STX11: variants seen among roughly 807,000 people sequenced by gnomAD.
STX11 encodes syntaxin 11.
A neutral mutation model predicts 19.9 loss-of-function variants in STX11; 21 were observed. That is an observed-to-expected ratio of 1.06 (90% CI 0.75 to 1.52). STX11 has a LOEUF of 1.52. Ranked by LOEUF, STX11 falls within the 40% of genes most tolerant of loss-of-function variation. The pLI is 0.00. For missense variants in STX11, 438 were observed against 405.9 expected, an observed-to-expected ratio of 1.08 and a Z score of -0.68; for synonymous variants, 193 against 174.4, an observed-to-expected ratio of 1.11 and a Z score of -0.84.
At position 144,191,013 on chromosome 6, in the gene STX11, C is replaced by T. The variant is rs1802197116; in HGVS notation, c.*3522C>T. ...TGGCAACTCTGAAAGGTGACTTTGG[C>T]CAAGAAGACCTTGTGGCAATTCTGC... On this transcript the variant is annotated 3_prime_UTR_variant, in exon 2 of 2. Transcript: ENST00000367568. 6.6e-6 allele frequency among the ~76,000 whole-genome samples: 1 copy of T among 151,890 alleles called. No homozygotes were observed. The highest frequency in any genetic ancestry group is 2.4e-5 in the African/African-American group (1 of 41,324).
At position 144,187,370 on chromosome 6, in the gene STX11, A is replaced by C. The variant is rs765907508; in HGVS notation, c.743A>C (p.Asn248Thr). The change falls in exon 2 of 2, where the codon AAC (asparagine) becomes ACC (threonine). Residue 248 changes from asparagine (N) to threonine (T), a missense_variant. By Grantham distance (65) the Asn-to-Thr change is moderately conservative. Coordinates refer to ENST00000367568, the MANE Select transcript of STX11 (RefSeq NM_003764.4). This position sits in a 1 kb window ranked among gnomAD's most constrained non-coding sequence, Gnocchi z 5.6. ...QADTLNVIEL[N>T]VQKTVDYTGQ... is the part of the protein sequence containing the mutation. ...GACACCCTGAACGTCATCGAGCTCA[A>C]CGTACAAAAGACGGTCGACTACACC... is the stretch of plus-strand genomic sequence containing the variant. 1 of 1,610,614 alleles carries C rather than the reference A, an allele frequency of 6.2e-7. No homozygotes were observed. The highest frequency in any genetic ancestry group is 8.5e-7 in the Non-Finnish European group (1 of 1,179,970).
At chr6:144,142,960 A>C in the STX11 span, among the ~76,000 whole-genome samples, 1 of 152,236 alleles carries the variant, frequency 6.6e-6, no homozygotes, top group Non-Finnish European at 1.5e-5. Context: ...GGATACCCCA[A>C]ATACCTGGAC....
upstream of STX11, among the ~76,000 whole-genome samples, chr6:144,145,574 G>A (rs1206693272): frequency 3.9e-5 from 6 of 152,184 alleles, no homozygotes; most frequent in South Asian, 1.2e-3. Flanking sequence ...CAGCCTTACA[G>A]AAGAAGGAAA....
chr6:144,156,869 A>G (rs979306929), intron 1 of STX11, among the ~76,000 whole-genome samples: 9 of 152,236 alleles, frequency 5.9e-5, no homozygotes, highest in Non-Finnish European at 8.8e-5. Flanking sequence ...GTACTGTCAT[A>G]TATATTATTT....
Position 144,191,742 on chromosome 6 carries a change from G to A in STX11, c.*4251G>A, listed in dbSNP as rs980577002. 1.5e-4 allele frequency among the ~76,000 whole-genome samples: 23 copies of A among 152,216 alleles called. No individual in the cohort carries two copies. Among genetic ancestry groups the A allele is most frequent in the Non-Finnish European group, 2.4e-4 (16 of 68,012 alleles). On this transcript the variant is annotated 3_prime_UTR_variant, in exon 2 of 2. Coordinates refer to ENST00000367568, the MANE Select transcript of STX11 (RefSeq NM_003764.4). ...CAACAGTTGACTTCCTTTTGATAGC[G>A]GAGTTGAAAATCATTGCAATTAATA...
chr6:144,185,358 A>T (rs981917168), intron 1 of STX11, among the ~76,000 whole-genome samples: 5 of 152,210 alleles, frequency 3.3e-5, no homozygotes, highest in African/African-American at 7.2e-5. Flanking sequence ...AAGTGTTACT[A>T]CTTTTCCCCT....
At position 144,160,048 on chromosome 6, in the gene STX11, G is replaced by A. The variant is rs965279033; in HGVS notation, c.-6+9345G>A. Among the ~76,000 whole-genome samples, 1 of 152,110 alleles carries A rather than the reference G, an allele frequency of 6.6e-6. No homozygotes were observed. Among genetic ancestry groups the A allele is most frequent in the African/African-American group, 2.4e-5 (1 of 41,406 alleles). On this transcript the variant is annotated intron_variant, in intron 1 of 1. Coordinates refer to ENST00000367568, the MANE Select transcript of STX11 (RefSeq NM_003764.4). This position sits in a 1 kb window ranked among gnomAD's most constrained non-coding sequence, Gnocchi z 4.3. ...ATTTTTGAGAGACTCTGTCGCCCAG[G>A]CTGGAATGAAATGGCACAATCTCTG...
rs774875167 is a variant in STX11, at chr6:144,186,738, G to C, written c.111G>C (p.Thr37=). 4.3e-6 allele frequency: 7 copies of C among 1,614,164 alleles called. No homozygotes were observed. Among genetic ancestry groups the C allele is most frequent in the Non-Finnish European group, 5.9e-6 (7 of 1,180,048 alleles). The change falls in exon 2 of 2, where the codon ACG becomes ACC. Residue 37 remains threonine, a synonymous_variant. Coordinates refer to ENST00000367568, the MANE Select transcript of STX11 (RefSeq NM_003764.4). ...DSPHEDIVFE[T]DHILESLYRD... ...CCCACGAGGACATCGTGTTCGAGAC[G>C]GACCACATCCTGGAGTCCCTGTACC...
rs1210571455 is a variant in STX11, at chr6:144,167,379, CTAAACACGAAATT to C, written c.-6+16679_-6+16691del. Among the ~76,000 whole-genome samples the C allele has an allele frequency of 9.9e-5, 15 of 152,136 alleles. No homozygotes were observed. Among genetic ancestry groups the C allele is most frequent in the African/African-American group, 3.6e-4 (15 of 41,414 alleles). Reference sequence around the variant, plus strand: ...GATATCTTGGGGATAAGACCCAAATCTAAACACGAAATTTATGTTTCATATATACCTATACACA... The same window carrying C: ...GATATCTTGGGGATAAGACCCAAATCTATGTTTCATATATACCTATACACA... On this transcript the variant is annotated intron_variant, in intron 1 of 1. Coordinates refer to ENST00000367568, the MANE Select transcript of STX11 (RefSeq NM_003764.4). The surrounding 1 kb of genome is among the most constrained non-coding windows in gnomAD (Gnocchi z 5.0).
rs768064993 is a variant in STX11, at chr6:144,187,293, C to T, written c.666C>T (p.Arg222=). Residue 222 remains arginine (R), a synonymous_variant, in exon 2 of 2, where the codon CGC becomes CGT. Transcript: ENST00000367568. The surrounding 1 kb of genome is among the most constrained non-coding windows in gnomAD (Gnocchi z 5.6). ...TGCTGCGCCTGGAGAGCCGCATCCG[C>T]GACGTACACGAGCTCTTCTTGCAGA... The part of the protein sequence containing the change: ...RELLRLESRI[R]DVHELFLQMA... The T allele has an allele frequency of 6.2e-7, 1 of 1,612,658 alleles. No individual in the cohort carries two copies. Among genetic ancestry groups the T allele is most frequent in the South Asian group, 1.1e-5 (1 of 91,080 alleles).
chr6:144,169,339 G>T lies in STX11; in HGVS notation c.-5-17284G>T, dbSNP rs1160489797. ...CAAATTTTCATCAGCAATGACCTTG[G>T]CAAATTCATCAATTAATTTCTCTGC... On this transcript the variant is annotated intron_variant, in intron 1 of 1. Transcript: ENST00000367568. The surrounding 1 kb of genome is among the most constrained non-coding windows in gnomAD (Gnocchi z 5.2). 6.6e-6 allele frequency among the ~76,000 whole-genome samples: 1 copy of T among 152,174 alleles called. No individual in the cohort carries two copies. Among genetic ancestry groups the T allele is most frequent in the Non-Finnish European group, 1.5e-5 (1 of 68,024 alleles).
rs1801671291 is a variant in STX11, at chr6:144,172,707, A to G, written c.-5-13916A>G. ...CATCAGATTATAGTATTAGCCTCGA[A>G]GTCTAGAGACTTATGCCTGATCTGC... is the stretch of plus-strand genomic sequence containing the variant. On this transcript the variant is annotated intron_variant, in intron 1 of 1. Coordinates refer to ENST00000367568, the MANE Select transcript of STX11 (RefSeq NM_003764.4). This position sits in a 1 kb window ranked among gnomAD's most constrained non-coding sequence, Gnocchi z 4.2. Among the ~76,000 whole-genome samples the G allele has an allele frequency of 6.6e-6, 1 of 152,164 alleles. No individual in the cohort carries two copies. The highest frequency in any genetic ancestry group is 2.1e-4 in the South Asian group (1 of 4,828).
At chr6:144,186,384 T>C (rs1352190974) in intron 1 of STX11, among the ~76,000 whole-genome samples, 1 of 152,048 alleles carries the variant, frequency 6.6e-6, no homozygotes, top group Non-Finnish European at 1.5e-5. Context: ...TGCGCGGCTA[T>C]GATATTGAAC....
At chr6:144,157,811 C>T (rs990279876) in intron 1 of STX11, among the ~76,000 whole-genome samples, 2 of 152,190 alleles carry the variant, frequency 1.3e-5, no homozygotes, top group East Asian at 1.9e-4. Flanking sequence ...TGCTGTAATG[C>T]TAGGCTTTAA....
chr6:144,159,120 C>T lies in STX11; in HGVS notation c.-6+8417C>T, dbSNP rs1204098516. 2.8e-4 allele frequency among the ~76,000 whole-genome samples: 42 copies of T among 152,100 alleles called. No individual in the cohort carries two copies. Among genetic ancestry groups the T allele is most frequent in the Non-Finnish European group, 7.4e-5 (5 of 68,026 alleles). ...CATTTTTGTGTATGAGAGACCTAGC[C>T]TCATCAAAAATGAGTGAAAAAAATA... On this transcript the variant is annotated intron_variant, in intron 1 of 1. Transcript: ENST00000367568. This position sits in a 1 kb window ranked among gnomAD's most constrained non-coding sequence, Gnocchi z 4.3.
intron 1 of STX11, among the ~76,000 whole-genome samples, chr6:144,164,560 C>A (rs993982899): frequency 6.6e-6 from 1 of 152,188 alleles, no homozygotes; most frequent in African/African-American, 2.4e-5. Flanking sequence ...AGTATCACTG[C>A]AAACATGCAG....
chr6:144,170,026 A>G lies in STX11; in HGVS notation c.-5-16597A>G, dbSNP rs1269737804. The stretch of plus-strand genomic sequence containing the variant: ...TTCTGTTCATCATTTTCAGGATGGA[A>G]CTTCAACAATTTATCTTTTTGTTTC... On this transcript the variant is annotated intron_variant, in intron 1 of 1. Coordinates refer to ENST00000367568, the MANE Select transcript of STX11 (RefSeq NM_003764.4). The surrounding 1 kb of genome is among the most constrained non-coding windows in gnomAD (Gnocchi z 4.7). Among the ~76,000 whole-genome samples, 1 of 152,130 alleles carries G rather than the reference A, an allele frequency of 6.6e-6. No homozygotes were observed. The highest frequency in any genetic ancestry group is 2.4e-5 in the African/African-American group (1 of 41,422).
In STX11 at chr6:144,184,724, T is replaced by C. The variant is rs1801985310; in HGVS notation, c.-5-1899T>C. The stretch of plus-strand genomic sequence containing the variant: ...CTACTCATAGAATCTGTATGAAGAC[T>C]AAAGAGGGTATCACATGAAAGATGC... On this transcript the variant is annotated intron_variant, in intron 1 of 1. Coordinates refer to ENST00000367568, the MANE Select transcript of STX11 (RefSeq NM_003764.4). This position sits in a 1 kb window ranked among gnomAD's most constrained non-coding sequence, Gnocchi z 6.5. Among the ~76,000 whole-genome samples, 1 of 152,220 alleles carries C rather than the reference T, an allele frequency of 6.6e-6. No individual in the cohort carries two copies. The highest frequency in any genetic ancestry group is 1.5e-5 in the Non-Finnish European group (1 of 68,032).
Position 144,176,662 on chromosome 6 carries a change from T to C in STX11, c.-5-9961T>C, listed in dbSNP as rs1451540646. Among the ~76,000 whole-genome samples the C allele has an allele frequency of 6.6e-6, 1 of 152,156 alleles. No individual in the cohort carries two copies. Among genetic ancestry groups the C allele is most frequent in the East Asian group, 1.9e-4 (1 of 5,196 alleles). On this transcript the variant is annotated intron_variant, in intron 1 of 1. Transcript: ENST00000367568. This position sits in a 1 kb window ranked among gnomAD's most constrained non-coding sequence, Gnocchi z 4.1. ...GATAACTGAGGAAGGGTTTGCTATT[T>C]TAACTCCCAGGAAAGAGAAACATTT...
Sources: allele counts gnomAD v4.1 joint callset (sites outside exome capture counted in the v4.1 genomes callset), GRCh38; gene constraint gnomAD v4.1.1; non-coding constraint Gnocchi (gnomAD v3.1); transcripts MANE v1.5; gene names NCBI Gene and HGNC (gene_info 2026-07-23, HGNC 2026-07-21).